Variants in NOS1 observed in about 807,000 individuals in gnomAD.
The protein encoded by NOS1 is NOS type I.
NOS1 carries 51 observed loss-of-function variants against 164.5 expected under a neutral mutation model. The observed-to-expected ratio is 0.31, with a 90% CI of 0.25 to 0.39. The LOEUF (loss-of-function observed/expected upper bound fraction) is 0.39, where lower values mean the gene tolerates loss of function less well. Ranked by LOEUF, NOS1 falls within the 10% of genes least tolerant of loss-of-function variation. NOS1 has a pLI of 1.00. For synonymous variants in NOS1, 719 were observed against 745.8 expected, an observed-to-expected ratio of 0.96 and a Z score of 0.59; for missense variants, 1,362 against 1,885.6, an observed-to-expected ratio of 0.72 and a Z score of 5.14.
intron 11 of NOS1, among the ~76,000 whole-genome samples, chr12:117,265,778 TTTTC>T (rs562144739): frequency 3.1e-4 from 47 of 151,928 alleles, no homozygotes; most frequent in South Asian, 2.7e-3. Flanking sequence ...CCCATCTTTT[TTTTC>T]TTTCTTTCTT....
Position 117,209,959 on chromosome 12 carries a change from C to T in NOS1, c.*5350G>A, listed in dbSNP as rs1363133250. On this transcript the variant is annotated 3_prime_UTR_variant, in exon 29 of 29. Coordinates refer to ENST00000317775, the MANE Select transcript of NOS1 (RefSeq NM_000620.5). Reference sequence around the variant, plus strand: ...CCTCAGACCTGTGTTTCCTTAATCCCAGCACCTGGTCTTTCATTTTAATTT... The same window carrying T: ...CCTCAGACCTGTGTTTCCTTAATCCTAGCACCTGGTCTTTCATTTTAATTT... 3.0e-6 allele frequency: 3 copies of T among 985,340 alleles called. No individual in the cohort carries two copies. Among genetic ancestry groups the T allele is most frequent in the Non-Finnish European group, 2.4e-6 (2 of 830,042 alleles). 61.0% of individuals were successfully genotyped at this position (985,340 alleles called of 1,614,324 possible).
At chr12:117,223,590 A>G (rs1162523538) in intron 25 of NOS1, among the ~76,000 whole-genome samples, 1 of 148,026 alleles carries the variant, frequency 6.8e-6, no homozygotes, top group African/African-American at 2.5e-5. Context: ...TATTATTATT[A>G]TTTTAAGATG....
chr12:117,320,922 C>A (rs1001820372), intron 2 of NOS1, among the ~76,000 whole-genome samples: 7 of 152,182 alleles, frequency 4.6e-5, no homozygotes, highest in Non-Finnish European at 7.3e-5. Context: ...CTATCTAATG[C>A]TCTACCAAAC....
At chr12:117,256,668 C>T (rs1871483583) in intron 16 of NOS1, among the ~76,000 whole-genome samples, 1 of 152,162 alleles carries the variant, frequency 6.6e-6, no homozygotes, top group East Asian at 1.9e-4. Context: ...TCTGCTTGCT[C>T]CATGCTGGAG....
intron 28 of NOS1, 120 bp downstream of exon 28, chr12:117,217,926 A>C: frequency 1.4e-6 from 1 of 735,318 alleles, no homozygotes; most frequent in Non-Finnish European, 2.4e-6. Context: ...ACACGTTCCC[A>C]GATGGTGCTG....
At chr12:117,306,671 G>A (rs1874165647) in intron 3 of NOS1, among the ~76,000 whole-genome samples, 1 of 151,352 alleles carries the variant, frequency 6.6e-6, no homozygotes, top group Non-Finnish European at 1.5e-5. Context: ...CCAGGCTGGA[G>A]TGCAGTGGTG....
At chr12:117,295,972 C>A (rs1447487896) in intron 3 of NOS1, among the ~76,000 whole-genome samples, 1 of 151,872 alleles carries the variant, frequency 6.6e-6, no homozygotes, top group African/African-American at 2.4e-5. Context: ...CATTCTCTGC[C>A]CCCAATCACC....
intron 16 of NOS1, among the ~76,000 whole-genome samples, chr12:117,254,983 T>A (rs182861141): frequency 3.4e-4 from 52 of 152,312 alleles, no homozygotes; most frequent in African/African-American, 8.4e-4. Context: ...CTGCATTTTT[T>A]AAATTAATAC....
chr12:117,291,685 C>T lies in NOS1; in HGVS notation c.853-1259G>A, dbSNP rs139891717. On this transcript the variant is annotated intron_variant, in intron 3 of 28. Coordinates refer to ENST00000317775, the MANE Select transcript of NOS1 (RefSeq NM_000620.5). Reference sequence around the variant, plus strand: ...AGTAGCTGGGACTACAGGTGCGTGTCACCATGCCCAGCTAATTTCTTATAT... The same window carrying T: ...AGTAGCTGGGACTACAGGTGCGTGTTACCATGCCCAGCTAATTTCTTATAT... Among the ~76,000 whole-genome samples the T allele has an allele frequency of 1.2e-4, 19 of 152,172 alleles. No homozygotes were observed. The East Asian group carries it at 3.5e-3, about 28-fold the overall frequency.
intron 2 of NOS1, among the ~76,000 whole-genome samples, chr12:117,320,143 G>C (rs1302562274): frequency 6.6e-6 from 1 of 152,158 alleles, no homozygotes; most frequent in Non-Finnish European, 1.5e-5. Context: ...AGATGAGTGT[G>C]GTAGGCTGAA....
chr12:117,346,983 CA>C (rs1876383499), intron 1 of NOS1, among the ~76,000 whole-genome samples: 1 of 152,040 alleles, frequency 6.6e-6, no homozygotes, highest in Admixed American at 6.6e-5. Flanking sequence ...TTGTTATCAC[CA>C]TTTAAAAACT....
intron 13 of NOS1, among the ~76,000 whole-genome samples, chr12:117,262,526 A>G (rs546679835): frequency 6.6e-6 from 1 of 151,014 alleles, no homozygotes; most frequent in South Asian, 2.1e-4. Flanking sequence ...AGAGAGAGAG[A>G]GAGAGAGATT....
At chr12:117,293,565 T>C (rs990417879) in intron 3 of NOS1, among the ~76,000 whole-genome samples, 3 of 152,132 alleles carry the variant, frequency 2.0e-5, no homozygotes, top group African/African-American at 7.2e-5. Context: ...ATGTTATTAT[T>C]ATGTGACTAC....
At chr12:117,339,636 T>A (rs569537481) in intron 1 of NOS1, among the ~76,000 whole-genome samples, 1 of 152,298 alleles carries the variant, frequency 6.6e-6, no homozygotes, top group Admixed American at 6.5e-5. Context: ...TAAGTACCCA[T>A]CAATAGAAGA....
intron 1 of NOS1, among the ~76,000 whole-genome samples, chr12:117,339,381 G>GAC (rs1328714348): frequency 1.3e-5 from 2 of 152,180 alleles, no homozygotes; most frequent in Admixed American, 1.3e-4. Context: ...TTTAAAATGT[G>GAC]ACACACACTC....
chr12:117,213,003 G>C lies in NOS1; in HGVS notation c.*2306C>G, dbSNP rs1362419472. ...TTTCTGGAGAAGAAGGATGAATCCT[G>C]GTTTTATAATCATTTCTTTGGACTC... On this transcript the variant is annotated 3_prime_UTR_variant, in exon 29 of 29. Coordinates refer to ENST00000317775, the MANE Select transcript of NOS1 (RefSeq NM_000620.5). 1.0e-6 allele frequency: 1 copy of C among 985,290 alleles called. No individual in the cohort carries two copies. Among genetic ancestry groups the C allele is most frequent in the African/African-American group, 1.7e-5 (1 of 57,224 alleles). The allele number at this position is 985,290 out of a possible 1,614,324, so 61.0% of individuals were successfully genotyped here.
intron 18 of NOS1, among the ~76,000 whole-genome samples, chr12:117,244,655 TC>T (rs1168392280): frequency 1.3e-5 from 2 of 152,204 alleles, no homozygotes; most frequent in Admixed American, 6.6e-5. Context: ...ATCCAAATGT[TC>T]ATCAGTGGAT....
intron 20 of NOS1, among the ~76,000 whole-genome samples, chr12:117,235,917 C>T (rs1334234293): frequency 2.6e-5 from 4 of 152,164 alleles, no homozygotes; most frequent in Non-Finnish European, 4.4e-5. Context: ...GTGGCATGTG[C>T]CTGTAATCCC....
chr12:117,348,997 T>C (rs532739334), intron 1 of NOS1, among the ~76,000 whole-genome samples: 5 of 152,390 alleles, frequency 3.3e-5, no homozygotes, highest in South Asian at 4.1e-4. Flanking sequence ...GATATTAACA[T>C]TGGGGAAACT....
Sources: gnomAD v4.1 joint callset for allele counts (sites outside exome capture counted in the v4.1 genomes callset) on GRCh38, gnomAD v4.1.1 for gene constraint, MANE v1.5 for transcripts, NCBI Gene and HGNC (gene_info 2026-07-23, HGNC 2026-07-21) for gene names.